Variants in DDX31 observed in about 807,000 individuals in gnomAD.
The protein encoded by DDX31 is DEAD-box helicase 31, also known as ATP-dependent DNA helicase DDX31.
A neutral mutation model predicts 91.3 loss-of-function variants in DDX31; 70 were observed. The ratio of observed to expected loss-of-function variants is 0.77; its 90% confidence interval spans 0.63 to 0.94. The LOEUF (loss-of-function observed/expected upper bound fraction) is 0.94. DDX31 is among the 40% of genes least tolerant of loss of function. The pLI, the probability that DDX31 is intolerant of heterozygous loss-of-function variation, is 0.00. For missense variants in DDX31, 902 were observed against 925.0 expected (o/e 0.98, Z 0.32); for synonymous variants, 362 against 350.6 (o/e 1.03, Z -0.36).
intron 1 of DDX31, among the ~76,000 whole-genome samples, chr9:132,665,290 A>C (rs923766191): frequency 6.6e-6 from 1 of 152,188 alleles, no homozygotes; most frequent in Non-Finnish European, 1.5e-5. Flanking sequence ...TTTCTCCCCC[A>C]GCATCCAAAA....
At chr9:132,607,617 T>C (rs955277214) in intron 19 of DDX31, among the ~76,000 whole-genome samples, 5 of 152,240 alleles carry the variant, frequency 3.3e-5, no homozygotes, top group African/African-American at 9.6e-5. Context: ...TAGGGTGGTT[T>C]AGAAACAGCA....
intron 18 of DDX31, among the ~76,000 whole-genome samples, chr9:132,614,377 C>T (rs1188521368): frequency 2.0e-5 from 3 of 151,850 alleles, no homozygotes; most frequent in East Asian, 1.9e-4. Context: ...ACACAGAGCC[C>T]CACTAGATAC....
intron 6 of DDX31, chr9:132,658,076 G>A (rs1489971857): frequency 3.8e-6 from 2 of 527,832 alleles, no homozygotes; most frequent in Non-Finnish European, 6.8e-6. Flanking sequence ...ACTCAAGCAT[G>A]AATGGATAGC....
chr9:132,661,316 C>T, intron 3 of DDX31, 65 bp from the exon 4 acceptor site: 2 of 1,315,676 alleles, frequency 1.5e-6, no homozygotes, highest in South Asian at 2.4e-5. Flanking sequence ...GGAAATTACA[C>T]AAGAAAGGAG....
Position 132,659,572 on chromosome 9 carries a change from C to A in DDX31, c.523+138G>T, listed in dbSNP as rs1590098826. On this transcript the variant is annotated intron_variant, in intron 5 of 19. Coordinates refer to ENST00000372159, the MANE Select transcript of DDX31 (RefSeq NM_022779.9). ...TCATTATGTGAACACATTCAGGGCT[C>A]TAATCAAAAGCATGGCCTCCCTCCC... The A allele has an allele frequency of 1.3e-5, 9 of 713,714 alleles. No homozygotes were observed. In the East Asian group the frequency reaches 2.5e-4, roughly 20 times the overall value. The allele number at this position is 713,714 out of a possible 1,614,324, so 44.2% of individuals were successfully genotyped here.
intron 16 of DDX31, 134 bp downstream of exon 16, chr9:132,630,130 C>T: frequency 3.0e-6 from 3 of 986,628 alleles, no homozygotes; most frequent in Non-Finnish European, 4.3e-6. Context: ...TTGCCACTGG[C>T]TATTCTGGGA....
At chr9:132,627,998 T>C (rs965127394) in intron 16 of DDX31, among the ~76,000 whole-genome samples, 1 of 152,236 alleles carries the variant, frequency 6.6e-6, no homozygotes, top group Non-Finnish European at 1.5e-5. Context: ...CTGCGCACTT[T>C]GCAACTAGTT....
At chr9:132,610,339 T>C (rs969937831) in intron 19 of DDX31, among the ~76,000 whole-genome samples, 6 of 152,244 alleles carry the variant, frequency 3.9e-5, no homozygotes, top group Non-Finnish European at 8.8e-5. Flanking sequence ...CACACTCATC[T>C]AGGCACTGCA....
chr9:132,662,234 A>T, intron 3 of DDX31, 27 bp downstream of exon 3: 3 of 1,613,112 alleles, frequency 1.9e-6, no homozygotes, highest in Non-Finnish European at 2.5e-6. Flanking sequence ...AAAAAAACTG[A>T]CCCAGAAAAC....
chr9:132,630,770 T>C (rs1832672278), intron 15 of DDX31, among the ~76,000 whole-genome samples: 1 of 152,244 alleles, frequency 6.6e-6, no homozygotes, highest in Non-Finnish European at 1.5e-5. Flanking sequence ...TTCTCCAGGA[T>C]GACCACATGA....
In DDX31 at chr9:132,646,913, T is replaced by A. The variant is rs756125507; in HGVS notation, c.1113A>T (p.Ala371=). ...PPAGDKLDSF[A]IPESLKQHVT... ...CATGCTGCTTGAGACTCTCTGGTATTGCAAAGCTGTCCAGCTTGTCGCCAG... is the reference window on the plus strand; with the variant it reads ...CATGCTGCTTGAGACTCTCTGGTATAGCAAAGCTGTCCAGCTTGTCGCCAG... The change falls in exon 12 of 20, where the codon GCA becomes GCT. Residue 371 remains alanine, a synonymous_variant. Transcript: ENST00000372159. 1 of 1,614,204 alleles carries A rather than the reference T, an allele frequency of 6.2e-7. No individual in the cohort carries two copies. Among genetic ancestry groups the A allele is most frequent in the African/African-American group, 1.3e-5 (1 of 75,066 alleles).
chr9:132,661,139 C>A (rs1834907386), intron 4 of DDX31, 69 bp downstream of exon 4: 6 of 1,399,950 alleles, frequency 4.3e-6, no homozygotes, highest in Non-Finnish European at 6.1e-6. Flanking sequence ...CTCTGCCTTG[C>A]ACACACAGGT....
chr9:132,669,959 C>A lies in DDX31; in HGVS notation c.-25G>T. On this transcript the variant is annotated 5_prime_UTR_variant, in exon 1 of 20. Coordinates refer to ENST00000372159, the MANE Select transcript of DDX31 (RefSeq NM_022779.9). ...TGGTCTGCGTGGGTGACGCGTGGTG[C>A]AGCAGCGAGCCCGGTGCGCAGACTG... 6.3e-7 allele frequency: 1 copy of A among 1,581,718 alleles called. No individual in the cohort carries two copies. Among genetic ancestry groups the A allele is most frequent in the South Asian group, 1.2e-5 (1 of 86,728 alleles).
rs1832451700 is a variant in DDX31 at position 132,627,231 on chromosome 9, A to AACTT, written c.1632-1487_1632-1486insAAGT. ...ACAGAAAAAGCTAAATATGCCACAG[A>AACTT]ACAGTAAGGCAGTGTTCTCAAATGC... On this transcript the variant is annotated intron_variant, in intron 16 of 19. Transcript: ENST00000372159. Among the ~76,000 whole-genome samples the AACTT allele has an allele frequency of 3.3e-5, 5 of 152,220 alleles. No individual in the cohort carries two copies. In the South Asian group the frequency reaches 1.0e-3, roughly 32 times the overall value.
intron 18 of DDX31, among the ~76,000 whole-genome samples, chr9:132,612,692 C>T (rs934263919): frequency 3.0e-4 from 45 of 152,190 alleles, no homozygotes; most frequent in Admixed American, 6.5e-5. Context: ...TTTATATTAA[C>T]ACATTTTTCC....
intron 13 of DDX31, among the ~76,000 whole-genome samples, chr9:132,644,138 T>C (rs1401934911): frequency 6.6e-6 from 1 of 152,030 alleles, no homozygotes; most frequent in Non-Finnish European, 1.5e-5. Flanking sequence ...CCCTAATACT[T>C]ACAAAAGAAA....
intron 12 of DDX31, 22 bp downstream of exon 12, chr9:132,646,801 C>T (rs370402891): frequency 6.2e-5 from 100 of 1,608,694 alleles, no homozygotes; most frequent in South Asian, 8.8e-5. Flanking sequence ...TGAATCAAGT[C>T]GGCTCTAGCC....
chr9:132,648,650 A>G, intron 9 of DDX31, 99 bp from the exon 10 acceptor site: 1 of 1,413,526 alleles, frequency 7.1e-7, no homozygotes, highest in Non-Finnish European at 9.5e-7. Flanking sequence ...CATTTCATGT[A>G]CAGTGCAAAC....
At chr9:132,664,460 G>A (rs1835180090) in intron 1 of DDX31, among the ~76,000 whole-genome samples, 1 of 152,130 alleles carries the variant, frequency 6.6e-6, no homozygotes, top group Non-Finnish European at 1.5e-5. Flanking sequence ...TGTAATCCCA[G>A]CACTTTGTGA....
Sources: gnomAD v4.1 joint callset for allele counts (sites outside exome capture counted in the v4.1 genomes callset) on GRCh38, gnomAD v4.1.1 for gene constraint, MANE v1.5 for transcripts, NCBI Gene and HGNC (gene_info 2026-07-23, HGNC 2026-07-21) for gene names.